Variants in GPR39 observed in about 807,000 individuals in gnomAD.
GPR39 encodes the protein G protein-coupled receptor 39.
Under a neutral mutation model 18.4 loss-of-function variants are expected in GPR39, and 23 were observed. That is an observed-to-expected ratio of 1.25 (90% CI 0.90 to 1.77). The LOEUF (loss-of-function observed/expected upper bound fraction) is 1.77, where lower values mean the gene tolerates loss of function less well. GPR39 is among the 40% of genes most tolerant of loss of function. GPR39 has a pLI of 0.00. For missense variants in GPR39, 647 were observed against 602.4 expected, an observed-to-expected ratio of 1.07 and a Z score of -0.78; for synonymous variants, 280 against 257.9, an observed-to-expected ratio of 1.09 and a Z score of -0.82.
chr2:132,492,730 T>C (rs1329486603), intron 1 of GPR39, among the ~76,000 whole-genome samples: 1 of 102,098 alleles, frequency 9.8e-6, no homozygotes, highest in Admixed American at 1.1e-4. Flanking sequence ...ATATATACCA[T>C]ATATATATAC....
At chr2:132,479,035 C>G (rs1681183618) in intron 1 of GPR39, among the ~76,000 whole-genome samples, 1 of 152,094 alleles carries the variant, frequency 6.6e-6, no homozygotes. Flanking sequence ...TCTTTCCCCA[C>G]TTCTCCCCCT....
At chr2:132,576,149 T>C (rs907164877) in intron 1 of GPR39, among the ~76,000 whole-genome samples, 29 of 152,228 alleles carry the variant, frequency 1.9e-4, no homozygotes, top group African/African-American at 6.8e-4. Context: ...ATTTTCTAAT[T>C]GAATTATTTC....
intron 1 of GPR39, among the ~76,000 whole-genome samples, chr2:132,419,338 A>G (rs1679966223): frequency 6.6e-6 from 1 of 152,258 alleles, no homozygotes; most frequent in Non-Finnish European, 1.5e-5. Flanking sequence ...GACCTAGTTC[A>G]GAATCACCTC....
intron 1 of GPR39, among the ~76,000 whole-genome samples, chr2:132,552,023 CTG>C (rs1299531970): frequency 1.3e-5 from 2 of 152,198 alleles, no homozygotes; most frequent in Non-Finnish European, 2.9e-5. Flanking sequence ...CCCTTTGTAA[CTG>C]TGGGTTCCAC....
chr2:132,441,509 C>G (rs1281666128), intron 1 of GPR39, among the ~76,000 whole-genome samples: 1 of 152,116 alleles, frequency 6.6e-6, no homozygotes, highest in Admixed American at 6.5e-5. Flanking sequence ...GTCATCTATA[C>G]TTAACAAACC....
At chr2:132,538,398 T>C (rs1409291028) in intron 1 of GPR39, among the ~76,000 whole-genome samples, 1 of 152,196 alleles carries the variant, frequency 6.6e-6, no homozygotes, top group Non-Finnish European at 1.5e-5. Flanking sequence ...AAGCAAAGAT[T>C]GCCACCTGCT....
chr2:132,529,121 G>C (rs1352453788), intron 1 of GPR39, among the ~76,000 whole-genome samples: 1 of 152,180 alleles, frequency 6.6e-6, no homozygotes, highest in East Asian at 1.9e-4. Flanking sequence ...AGAAAGGGGT[G>C]ATAGACAGCA....
At chr2:132,435,678 C>T (rs764008417) in intron 1 of GPR39, among the ~76,000 whole-genome samples, 7 of 152,148 alleles carry the variant, frequency 4.6e-5, no homozygotes, top group Non-Finnish European at 7.4e-5. Flanking sequence ...TGGTTGAGGA[C>T]TCAAGAGAAC....
At chr2:132,457,916 C>G (rs544463696) in intron 1 of GPR39, among the ~76,000 whole-genome samples, 10 of 152,356 alleles carry the variant, frequency 6.6e-5, no homozygotes, top group Non-Finnish European at 1.3e-4. Flanking sequence ...AGCAAGGCTC[C>G]GTGGGTGTGG....
intron 1 of GPR39, among the ~76,000 whole-genome samples, chr2:132,615,110 G>A (rs1158720107): frequency 2.6e-5 from 4 of 152,114 alleles, no homozygotes; most frequent in Admixed American, 6.5e-5. Context: ...AAGTTGGGAG[G>A]TGCATTTTTA....
intron 1 of GPR39, among the ~76,000 whole-genome samples, chr2:132,608,034 G>A (rs559631714): frequency 6.6e-6 from 1 of 152,222 alleles, no homozygotes; most frequent in East Asian, 1.9e-4. Context: ...ATATGATACT[G>A]AGTTCCATGC....
At chr2:132,622,879 C>G (rs10174099) in intron 1 of GPR39, among the ~76,000 whole-genome samples, 1 of 152,046 alleles carries the variant, frequency 6.6e-6, no homozygotes, top group Admixed American at 6.6e-5. Flanking sequence ...CTTTGCAGAC[C>G]GAGGTGGGAG....
chr2:132,507,975 T>G (rs1429700558), intron 1 of GPR39, among the ~76,000 whole-genome samples: 1 of 152,098 alleles, frequency 6.6e-6, no homozygotes, highest in Non-Finnish European at 1.5e-5. Flanking sequence ...GTAGGCATGG[T>G]TGGTTGAATC....
chr2:132,480,182 T>C (rs1372475677), intron 1 of GPR39, among the ~76,000 whole-genome samples: 1 of 152,224 alleles, frequency 6.6e-6, no homozygotes, highest in African/African-American at 2.4e-5. Context: ...CTATATGATT[T>C]GACTTATATG....
intron 1 of GPR39, among the ~76,000 whole-genome samples, chr2:132,548,972 A>G (rs1170691377): frequency 6.6e-6 from 1 of 152,230 alleles, no homozygotes; most frequent in Non-Finnish European, 1.5e-5. Context: ...TCACTGTCAC[A>G]GATACGTGTG....
chr2:132,486,086 C>T (rs542638067), intron 1 of GPR39, among the ~76,000 whole-genome samples: 11 of 152,292 alleles, frequency 7.2e-5, no homozygotes, highest in Admixed American at 2.0e-4. Context: ...ACATCTCCAT[C>T]GGAGCTTTCA....
At chr2:132,431,899 G>T (rs1472611773) in intron 1 of GPR39, among the ~76,000 whole-genome samples, 3 of 152,226 alleles carry the variant, frequency 2.0e-5, no homozygotes, top group Non-Finnish European at 4.4e-5. Context: ...GAGGCCAGAA[G>T]TCCAAAATAA....
At chr2:132,432,246 A>G (rs11690965) in intron 1 of GPR39, among the ~76,000 whole-genome samples, 17,746 of 152,186 alleles carry the variant, frequency 0.12, 1,068 homozygotes, top group South Asian at 0.21. Context: ...GCCTGCTTTC[A>G]GGTTGCAAAC....
chr2:132,448,201 A>C (rs142227070), intron 1 of GPR39, among the ~76,000 whole-genome samples: 1,893 of 152,254 alleles, frequency 0.012, 44 homozygotes, highest in African/African-American at 0.043. Flanking sequence ...TGAACAGTCA[A>C]ATTATCTGCC....
Sources: gnomAD v4.1 joint callset for allele counts (sites outside exome capture counted in the v4.1 genomes callset) on GRCh38, gnomAD v4.1.1 for gene constraint, MANE v1.5 for transcripts, NCBI Gene and HGNC (gene_info 2026-07-23, HGNC 2026-07-21) for gene names.